The following KCNQ3 variants were observed in gnomAD, a reference collection of about 807,000 sequenced individuals.
KCNQ3 encodes potassium voltage-gated channel subfamily KQT member 3.
Under a neutral mutation model 92.5 loss-of-function variants are expected in KCNQ3, and 30 were observed. The observed-to-expected ratio is 0.32, with a 90% CI of 0.24 to 0.44. The LOEUF (loss-of-function observed/expected upper bound fraction) is 0.44, where lower values mean the gene tolerates loss of function less well. Among genes scored for constraint, KCNQ3 ranks in the 20% least tolerant of loss-of-function variants. The pLI is 1.00. For synonymous variants in KCNQ3, 450 were observed against 468.8 expected (o/e 0.96, Z 0.52); for missense variants, 913 against 1,140.3 (o/e 0.80, Z 2.87).
intron 1 of KCNQ3, among the ~76,000 whole-genome samples, chr8:132,400,853 T>C (rs1820313199): frequency 6.6e-6 from 1 of 152,214 alleles, no homozygotes. Flanking sequence ...GCTTACGCTG[T>C]CTCACTTGCC....
At chr8:132,448,282 A>G (rs550470215) in intron 1 of KCNQ3, among the ~76,000 whole-genome samples, 64 of 152,142 alleles carry the variant, frequency 4.2e-4, no homozygotes, top group African/African-American at 1.5e-3. Context: ...ACTTTTCTTC[A>G]CTGTAAAGCC....
chr8:132,176,446 C>A (rs1826556584), intron 4 of KCNQ3, among the ~76,000 whole-genome samples: 3 of 152,160 alleles, frequency 2.0e-5, no homozygotes, highest in African/African-American at 7.2e-5. Flanking sequence ...GTAGGTTGGG[C>A]AGGAAGAAAG....
chr8:132,333,068 A>G (rs1274208150), intron 1 of KCNQ3, among the ~76,000 whole-genome samples: 2 of 151,808 alleles, frequency 1.3e-5, no homozygotes, highest in Non-Finnish European at 2.9e-5. Context: ...TGGAAGATGA[A>G]CAAAGGAAGA....
At chr8:132,256,318 G>GA (rs1180371111) in intron 1 of KCNQ3, among the ~76,000 whole-genome samples, 2 of 151,836 alleles carry the variant, frequency 1.3e-5, no homozygotes, top group Middle Eastern at 3.2e-3. Context: ...GGAATAAAAA[G>GA]AAAAAAAGAA....
rs1218821314 is a variant in KCNQ3 at position 132,135,370 on chromosome 8, G to T, written c.1701-982C>A. On this transcript the variant is annotated intron_variant, in intron 12 of 14. Coordinates refer to ENST00000388996, the MANE Select transcript of KCNQ3 (RefSeq NM_004519.4). ...AGGTTGGGACGGGGTGGGAGGGAAA[G>T]CAGGCTTGAAGGCTTATCACAGGTC... 2.0e-5 allele frequency among the ~76,000 whole-genome samples: 3 copies of T among 152,146 alleles called. No individual in the cohort carries two copies. The East Asian group carries it at 5.8e-4, about 29-fold the overall frequency.
chr8:132,295,751 G>A (rs1004319781), intron 1 of KCNQ3, among the ~76,000 whole-genome samples: 2 of 152,174 alleles, frequency 1.3e-5, no homozygotes, highest in Admixed American at 6.5e-5. Flanking sequence ...GATGGAGCTG[G>A]AAGCCATTAT....
intron 1 of KCNQ3, among the ~76,000 whole-genome samples, chr8:132,264,176 G>T (rs1415355681): frequency 6.6e-6 from 1 of 152,126 alleles, no homozygotes; most frequent in Non-Finnish European, 1.5e-5. Context: ...GATCATTAGG[G>T]AGTACATGCT....
intron 1 of KCNQ3, among the ~76,000 whole-genome samples, chr8:132,414,459 C>T (rs1245377882): frequency 1.4e-4 from 22 of 152,358 alleles, no homozygotes; most frequent in African/African-American, 2.6e-4. Flanking sequence ...ATGTCAAATG[C>T]AGCTGCTATT....
At chr8:132,167,923 T>C (rs1651025054) in intron 8 of KCNQ3, among the ~76,000 whole-genome samples, 1 of 152,256 alleles carries the variant, frequency 6.6e-6, no homozygotes, top group Admixed American at 6.5e-5. Flanking sequence ...GGGGAAGTCA[T>C]CTGCCCATTC....
chr8:132,128,540 T>C lies in KCNQ3; in HGVS notation c.*722A>G, dbSNP rs1824745174. On this transcript the variant is annotated 3_prime_UTR_variant, in exon 15 of 15. Transcript: ENST00000388996. ...GTGTGTGTGTGTGTGTGTGTGTGTG[T>C]GTGTGTTTTCTCCCTGCCAATTCAT... is the stretch of plus-strand genomic sequence containing the variant. 6.6e-6 allele frequency: 1 copy of C among 152,498 alleles called. No homozygotes were observed. Among genetic ancestry groups the C allele is most frequent in the South Asian group, 2.1e-4 (1 of 4,834 alleles). The allele number at this position is 152,498 out of a possible 1,614,324, so 9.4% of individuals were successfully genotyped here. A position where few individuals can be genotyped will look rare whatever the true frequency, so the allele number is the denominator to read the frequency against.
At chr8:132,190,754 G>C (rs553915505) in intron 1 of KCNQ3, among the ~76,000 whole-genome samples, 2 of 152,200 alleles carry the variant, frequency 1.3e-5, no homozygotes, top group African/African-American at 4.8e-5. Context: ...AAAATTGTAT[G>C]TTGTAAGCCA....
intron 1 of KCNQ3, among the ~76,000 whole-genome samples, chr8:132,397,685 C>T (rs2673606): frequency 0.77 from 117,588 of 152,054 alleles, 45,887 homozygotes; most frequent in South Asian, 0.92. Context: ...GGAATTTCCA[C>T]GGCTTACAGA....
chr8:132,187,871 TGATAGTGATGGTGGCGG>T (rs1827042894), intron 1 of KCNQ3, among the ~76,000 whole-genome samples: 2 of 132,866 alleles, frequency 1.5e-5, no homozygotes, highest in African/African-American at 6.3e-5. Flanking sequence ...GTGGTGGTGG[TGATAGTGATGGTGGCGG>T]TGGTGGTGGT....
At chr8:132,403,520 T>A (rs1325761310) in intron 1 of KCNQ3, among the ~76,000 whole-genome samples, 2 of 152,240 alleles carry the variant, frequency 1.3e-5, no homozygotes, top group Non-Finnish European at 2.9e-5. Flanking sequence ...AGACCCAGGC[T>A]GCAGGTGTGA....
intron 1 of KCNQ3, among the ~76,000 whole-genome samples, chr8:132,210,837 T>C (rs1239406681): frequency 6.6e-6 from 1 of 152,230 alleles, no homozygotes; most frequent in Non-Finnish European, 1.5e-5. Context: ...TTAAAGTCTG[T>C]CCACCACAGT....
chr8:132,379,535 G>C (rs1046004349), intron 1 of KCNQ3, among the ~76,000 whole-genome samples: 1 of 152,032 alleles, frequency 6.6e-6, no homozygotes, highest in African/African-American at 2.4e-5. Context: ...ATCCCACAAG[G>C]TGAGGTCTTT....
chr8:132,454,134 G>T (rs1821887911), intron 1 of KCNQ3, among the ~76,000 whole-genome samples: 1 of 152,232 alleles, frequency 6.6e-6, no homozygotes, highest in Non-Finnish European at 1.5e-5. Context: ...ACCCTGCCAA[G>T]GCAGAGACTA....
At chr8:132,452,569 T>C (rs1271904571) in intron 1 of KCNQ3, among the ~76,000 whole-genome samples, 1 of 152,114 alleles carries the variant, frequency 6.6e-6, no homozygotes, top group Non-Finnish European at 1.5e-5. Flanking sequence ...AATCCTTGGG[T>C]TCAGCAGCTG....
chr8:132,196,390 A>G (rs1393552163), intron 1 of KCNQ3, among the ~76,000 whole-genome samples: 1 of 152,194 alleles, frequency 6.6e-6, no homozygotes, highest in Non-Finnish European at 1.5e-5. Context: ...ATTTCTTCTT[A>G]TCTCCTCATA....
Sources: gnomAD v4.1 joint callset for allele counts (sites outside exome capture counted in the v4.1 genomes callset) on GRCh38, gnomAD v4.1.1 for gene constraint, MANE v1.5 for transcripts, NCBI Gene and HGNC (gene_info 2026-07-23, HGNC 2026-07-21) for gene names.